The following DNAH5 variants were observed in gnomAD, a reference collection of about 807,000 sequenced individuals.
DNAH5 encodes the protein axonemal beta dynein heavy chain 5.
DNAH5 carries 372 observed loss-of-function variants against 518.2 expected under a neutral mutation model. The observed-to-expected ratio is 0.72, with a 90% confidence interval of 0.66 to 0.78. DNAH5 has a LOEUF of 0.78. Ranked by LOEUF, DNAH5 falls within the 30% of genes least tolerant of loss-of-function variation. The probability of loss-of-function intolerance (pLI) is 0.00; values close to 1 mark genes in which losing one functional copy is unlikely to be tolerated. For synonymous variants in DNAH5, 2,039 were observed against 2,025.9 expected, an observed-to-expected ratio of 1.01 and a Z score of -0.17; for missense variants, 5,523 against 5,687.0, an observed-to-expected ratio of 0.97 and a Z score of 0.93.
At chr5:13,753,136 C>G in intron 63 of DNAH5, 97 bp downstream of exon 63, 1 of 877,074 alleles carries the variant, frequency 1.1e-6, no homozygotes, top group Admixed American at 1.9e-5. Flanking sequence ...ACAAAAACAT[C>G]TCTAGTGTTT....
chr5:13,690,385 CA>C lies in DNAH5; in HGVS notation c.*1598del, dbSNP rs1239610920. ...GTTGACATTTTCATTACTTGCTTTT[CA>C]AAATGAAATGATTGTTTCACCACAA... On this transcript the variant is annotated 3_prime_UTR_variant, in exon 79 of 79. Coordinates refer to ENST00000265104, the MANE Select transcript of DNAH5 (RefSeq NM_001369.3). 2 of 152,086 alleles carry C rather than the reference CA, an allele frequency of 1.3e-5. No individual in the cohort carries two copies. The highest frequency in any genetic ancestry group is 4.8e-5 in the African/African-American group (2 of 41,420). The allele number at this position is 152,086 out of a possible 1,614,324, so 9.4% of individuals were successfully genotyped here.
chr5:13,826,188 G>A (rs180765768), intron 38 of DNAH5, among the ~76,000 whole-genome samples: 6 of 152,320 alleles, frequency 3.9e-5, no homozygotes, highest in African/African-American at 1.4e-4. Context: ...ATCAGTATGA[G>A]TCCAACTATT....
chr5:13,995,386 T>G (rs964810275), intron 1 of DNAH5, among the ~76,000 whole-genome samples: 2 of 152,206 alleles, frequency 1.3e-5, no homozygotes, highest in African/African-American at 4.8e-5. Flanking sequence ...TTCTCCCTCC[T>G]GCTTCCCTCC....
At chr5:13,784,805 T>G (rs2126861012) in intron 52 of DNAH5, among the ~76,000 whole-genome samples, 1 of 152,298 alleles carries the variant, frequency 6.6e-6, no homozygotes. Context: ...CATGGCATTT[T>G]CTTGCACTGT....
At chr5:13,713,865 T>G (rs1456295443) in intron 75 of DNAH5, among the ~76,000 whole-genome samples, 1 of 152,074 alleles carries the variant, frequency 6.6e-6, no homozygotes, top group African/African-American at 2.4e-5. Context: ...TTAATTCAAT[T>G]TAAAAAGATG....
intron 76 of DNAH5, among the ~76,000 whole-genome samples, chr5:13,706,149 G>A (rs1482740401): frequency 1.3e-5 from 2 of 152,338 alleles, no homozygotes; most frequent in East Asian, 3.9e-4. Context: ...CCTACTCCTG[G>A]CAATTGAAGC....
At position 13,770,563 on chromosome 5, in the gene DNAH5, A is replaced by G. The variant is rs571650448; in HGVS notation, c.9605+186T>C. Among the ~76,000 whole-genome samples the G allele has an allele frequency of 1.3e-4, 20 of 152,266 alleles. No individual in the cohort carries two copies. The South Asian group carries it at 4.1e-3, about 32-fold the overall frequency. On this transcript the variant is annotated intron_variant, in intron 56 of 78. Coordinates refer to ENST00000265104, the MANE Select transcript of DNAH5 (RefSeq NM_001369.3). ...CTTTGTTGTGGAGGAAAAGAACTTC[A>G]GGAAGTTTAGCAACATCCCTAAGCC... is the stretch of plus-strand genomic sequence containing the variant.
intron 1 of DNAH5, among the ~76,000 whole-genome samples, chr5:13,933,789 C>CAAAAA (rs533169329): frequency 2.3e-4 from 19 of 82,306 alleles, no homozygotes; most frequent in Admixed American, 5.8e-4. Context: ...GACTCCACCT[C>CAAAAA]AAAAAAAAAA....
chr5:13,894,628 C>T lies in DNAH5; in HGVS notation c.2431+22G>A, dbSNP rs201931288. 1.3e-3 allele frequency: 2,082 copies of T among 1,612,062 alleles called. 38 individuals are homozygous for T. In the South Asian group the frequency reaches 0.02, roughly 16 times the overall value. On this transcript the variant is annotated intron_variant, in intron 16 of 78. Transcript: ENST00000265104. ...ACTCAGCCTTTAGAATTCAGAAATA[C>T]TAATTATTCAGGCAGACTTACTGAT...
chr5:13,917,116 C>A (rs1379532107), intron 8 of DNAH5, 27 bp downstream of exon 8: 1 of 1,546,616 alleles, frequency 6.5e-7, no homozygotes, highest in Non-Finnish European at 8.9e-7. Flanking sequence ...TATCTATAGA[C>A]TGAAAGAGTA....
chr5:13,863,368 AC>A (rs748778797), intron 28 of DNAH5, among the ~76,000 whole-genome samples: 34 of 151,988 alleles, frequency 2.2e-4, no homozygotes, highest in Non-Finnish European at 1.5e-4. Flanking sequence ...TTTCAAGGAA[AC>A]CCCAAACACA....
At chr5:13,992,905 C>T (rs1158075378) in intron 1 of DNAH5, among the ~76,000 whole-genome samples, 1 of 152,196 alleles carries the variant, frequency 6.6e-6, no homozygotes, top group African/African-American at 2.4e-5. Context: ...ATCATCACTA[C>T]AGAGACTGCT....
intron 1 of DNAH5, among the ~76,000 whole-genome samples, chr5:13,932,828 G>A (rs563624020): frequency 5.3e-5 from 8 of 152,220 alleles, no homozygotes; most frequent in Non-Finnish European, 1.2e-4. Context: ...TTCAGCTTTT[G>A]GATGTGTAAG....
intron 1 of DNAH5, among the ~76,000 whole-genome samples, chr5:13,992,802 AT>A (rs1783649784): frequency 6.6e-6 from 1 of 152,186 alleles, no homozygotes; most frequent in South Asian, 2.1e-4. Context: ...GATTTAAGTT[AT>A]TAGTTCACTG....
chr5:13,911,311 A>G, intron 12 of DNAH5, 75 bp downstream of exon 12: 1 of 1,115,570 alleles, frequency 9.0e-7, no homozygotes, highest in South Asian at 1.2e-5. Flanking sequence ...CTGATTGGGT[A>G]ATGATTAACG....
At chr5:13,870,629 G>T in intron 24 of DNAH5, 138 bp downstream of exon 24, 1 of 839,100 alleles carries the variant, frequency 1.2e-6, no homozygotes, top group East Asian at 2.7e-5. Context: ...TAGGGGTTCG[G>T]TATCATCAAC....
At chr5:13,719,457 A>T (rs1303687682) in intron 71 of DNAH5, among the ~76,000 whole-genome samples, 1 of 152,178 alleles carries the variant, frequency 6.6e-6, no homozygotes, top group Non-Finnish European at 1.5e-5. Context: ...CAATGAAGAA[A>T]ATTTTTAAAG....
rs1778064741 is a variant in DNAH5 at position 13,928,091 on chromosome 5, T to C, written c.277+3A>G. 4 of 1,610,794 alleles carry C rather than the reference T, an allele frequency of 2.5e-6. No homozygotes were observed. The highest frequency in any genetic ancestry group is 1.1e-5 in the South Asian group (1 of 90,988). On this transcript the variant is annotated splice_donor_region_variant and intron_variant, in intron 3 of 78. Coordinates refer to ENST00000265104, the MANE Select transcript of DNAH5 (RefSeq NM_001369.3). ...TGGGTTATGTCACATCAAATTCAGA[T>C]ACCTGTTTCTGCTTCCTCCACATCT... is the stretch of plus-strand genomic sequence containing the variant.
intron 38 of DNAH5, among the ~76,000 whole-genome samples, chr5:13,827,263 C>A (rs1447198719): frequency 6.6e-6 from 1 of 152,090 alleles, no homozygotes; most frequent in Non-Finnish European, 1.5e-5. Flanking sequence ...ATTAAGCCAG[C>A]TGCATAAATT....
Sources: gnomAD v4.1 joint callset for allele counts (sites outside exome capture counted in the v4.1 genomes callset) on GRCh38, gnomAD v4.1.1 for gene constraint, MANE v1.5 for transcripts, NCBI Gene and HGNC (gene_info 2026-07-23, HGNC 2026-07-21) for gene names.